The following ATP9B variants were observed in gnomAD, a reference collection of about 807,000 sequenced individuals.
ATP9B encodes the protein probable phospholipid-transporting ATPase IIB.
ATP9B carries 110 observed loss-of-function variants against 146.1 expected under a neutral mutation model. That is an observed-to-expected ratio of 0.75 (90% CI 0.65 to 0.88). ATP9B has a LOEUF of 0.88. Ranked by LOEUF, ATP9B falls within the 40% of genes least tolerant of loss-of-function variation. The probability of loss-of-function intolerance (pLI) is 0.00; values close to 1 mark genes in which losing one functional copy is unlikely to be tolerated. For synonymous variants in ATP9B, 604 were observed against 569.7 expected (o/e 1.06, Z -0.86); for missense variants, 1,499 against 1,496.4 (o/e 1.00, Z -0.03).
At chr18:79,197,699 T>TC (rs140974019) in intron 9 of ATP9B, among the ~76,000 whole-genome samples, 5,602 of 152,068 alleles carry the variant, frequency 0.037, 353 homozygotes, top group African/African-American at 0.13. Context: ...CTGGTTTCTT[T>TC]CCCCTGAAAA....
chr18:79,205,099 C>A (rs920260283), intron 9 of ATP9B, among the ~76,000 whole-genome samples: 3 of 152,154 alleles, frequency 2.0e-5, no homozygotes, highest in African/African-American at 7.2e-5. Context: ...CTGAGCTGCA[C>A]CTGCATTGCA....
chr18:79,103,921 G>A (rs1210986858), intron 2 of ATP9B, among the ~76,000 whole-genome samples: 1 of 152,062 alleles, frequency 6.6e-6, no homozygotes, highest in East Asian at 1.9e-4. Flanking sequence ...TAGGCTAAGT[G>A]CTTTTCTTCT....
At chr18:79,154,897 A>T (rs1364368249) in intron 7 of ATP9B, among the ~76,000 whole-genome samples, 1 of 152,242 alleles carries the variant, frequency 6.6e-6, no homozygotes, top group East Asian at 1.9e-4. Context: ...GAATTCATTA[A>T]CATCTAAATT....
At chr18:79,265,637 G>A (rs2096195749) in intron 12 of ATP9B, among the ~76,000 whole-genome samples, 1 of 152,084 alleles carries the variant, frequency 6.6e-6, no homozygotes, top group South Asian at 2.1e-4. Context: ...CTCCCACTCT[G>A]TAGGTTGTCT....
intron 11 of ATP9B, among the ~76,000 whole-genome samples, chr18:79,252,458 G>A (rs1031704985): frequency 6.6e-6 from 1 of 152,166 alleles, no homozygotes; most frequent in African/African-American, 2.4e-5. Flanking sequence ...TCACTGGACT[G>A]CCTTGTGGTC....
chr18:79,231,751 G>A (rs532516796), intron 11 of ATP9B, among the ~76,000 whole-genome samples: 43 of 145,100 alleles, frequency 3.0e-4, no homozygotes, highest in Admixed American at 2.7e-3. Context: ...ATCAATCAAC[G>A]AGTAGATAAA....
chr18:79,253,677 G>T (rs529254520), intron 12 of ATP9B, 136 bp downstream of exon 12: 3 of 939,208 alleles, frequency 3.2e-6, no homozygotes, highest in African/African-American at 1.7e-5. Flanking sequence ...GAGGAATCTT[G>T]AGGAATTCTT....
chr18:79,256,067 A>T (rs1330285773), intron 12 of ATP9B, among the ~76,000 whole-genome samples: 1 of 151,694 alleles, frequency 6.6e-6, no homozygotes, highest in Admixed American at 6.6e-5. Context: ...TTAAAAATAT[A>T]TATTTTTTTA....
At chr18:79,118,390 G>T (rs7506672) in intron 4 of ATP9B, among the ~76,000 whole-genome samples, 12,167 of 90,476 alleles carry the variant, frequency 0.13, 850 homozygotes, top group African/African-American at 0.24. Context: ...GAACGTTTTT[G>T]TTTTTTTTTT....
chr18:79,372,897 T>C lies in ATP9B; in HGVS notation c.3070+15T>C, dbSNP rs546241454. 5 of 1,578,794 alleles carry C rather than the reference T, an allele frequency of 3.2e-6. No homozygotes were observed. Among genetic ancestry groups the C allele is most frequent in the East Asian group, 4.5e-5 (2 of 44,698 alleles). On this transcript the variant is annotated intron_variant, in intron 27 of 29. Coordinates refer to ENST00000426216, the MANE Select transcript of ATP9B (RefSeq NM_198531.5). ...TATTTACCAAGGTAAGACGAGATCC[T>C]TAGTTTACTGGACTAAAGATTTTTT...
chr18:79,244,453 T>C (rs534331309), intron 11 of ATP9B, among the ~76,000 whole-genome samples: 2 of 152,304 alleles, frequency 1.3e-5, no homozygotes, highest in South Asian at 4.1e-4. Context: ...TTAAGCTCCT[T>C]GAAAAGAGTT....
intron 25 of ATP9B, 73 bp downstream of exon 25, chr18:79,348,269 A>C (rs570056): frequency 6.2e-6 from 7 of 1,127,970 alleles, no homozygotes; most frequent in African/African-American, 1.8e-5. Flanking sequence ...AAAAAAAAAA[A>C]CAAAAAACGT....
chr18:79,191,206 G>T (rs1185296892), intron 8 of ATP9B, among the ~76,000 whole-genome samples: 1 of 152,016 alleles, frequency 6.6e-6, no homozygotes, highest in Admixed American at 6.6e-5. Context: ...GTGGTATTTT[G>T]ATAGTTCTTC....
At chr18:79,336,602 C>T in intron 17 of ATP9B, 26 bp from the exon 18 acceptor site, 1 of 1,610,886 alleles carries the variant, frequency 6.2e-7, no homozygotes, top group South Asian at 1.1e-5. Flanking sequence ...CAGGGCCCAC[C>T]TGTGACTCGG....
In ATP9B at chr18:79,143,830, A is replaced by T. The variant is rs778741322; in HGVS notation, c.696A>T (p.Ile232=). The T allele has an allele frequency of 1.1e-5, 18 of 1,589,490 alleles. No homozygotes were observed. Among genetic ancestry groups the T allele is most frequent in the Non-Finnish European group, 1.4e-5 (16 of 1,170,446 alleles). ...AAGTGCAAGTTAAGAGTTCAGACAT[A>T]CAAGTTGGAGACCTCATCATAGTGG... is the stretch of plus-strand genomic sequence containing the variant. ...RGKVQVKSSD[I]QVGDLIIVEK... is the part of the protein sequence containing the mutation. The change falls in exon 6 of 30, where the codon ATA becomes ATT. Residue 232 remains isoleucine (I), a synonymous_variant. Coordinates refer to ENST00000426216, the MANE Select transcript of ATP9B (RefSeq NM_198531.5).
chr18:79,327,184 T>C (rs971566133), intron 15 of ATP9B, among the ~76,000 whole-genome samples: 1 of 152,264 alleles, frequency 6.6e-6, no homozygotes, highest in Non-Finnish European at 1.5e-5. Context: ...ACTTGAGTTC[T>C]TAGAACCTAA....
chr18:79,084,659 T>C (rs1209413538), intron 1 of ATP9B, among the ~76,000 whole-genome samples: 2 of 152,232 alleles, frequency 1.3e-5, no homozygotes, highest in Non-Finnish European at 2.9e-5. Flanking sequence ...ACAGCTTTCA[T>C]ATGAGCTTTA....
intron 8 of ATP9B, among the ~76,000 whole-genome samples, chr18:79,186,054 T>C: frequency 6.6e-6 from 1 of 152,226 alleles, no homozygotes. Context: ...TTTTCAGGCG[T>C]TGTAGACATT....
chr18:79,361,757 A>G, intron 26 of ATP9B: 1 of 985,414 alleles, frequency 1.0e-6, no homozygotes, highest in Non-Finnish European at 1.2e-6. Context: ...GGTAGCACAG[A>G]CTGCAGCACT....
Sources: allele counts gnomAD v4.1 joint callset (sites outside exome capture counted in the v4.1 genomes callset), GRCh38; gene constraint gnomAD v4.1.1; transcripts MANE v1.5; gene names NCBI Gene and HGNC (gene_info 2026-07-23, HGNC 2026-07-21).